The following DMD variants were observed in gnomAD, a reference collection of about 807,000 sequenced individuals.
DMD encodes dystrophin.
Under a neutral mutation model 330.1 loss-of-function variants are expected in DMD, and 63 were observed. That is an observed-to-expected ratio of 0.19 (90% CI 0.16 to 0.24). The LOEUF is 0.24. Ranked by LOEUF, DMD falls within the 10% of genes least tolerant of loss-of-function variation. The pLI is 1.00. For missense variants in DMD, 3,344 were observed against 2,684.1 expected, an observed-to-expected ratio of 1.25 and a Z score of -5.43; for synonymous variants, 1,223 against 959.8, an observed-to-expected ratio of 1.27 and a Z score of -5.07.
intron 13 of DMD, among the ~76,000 whole-genome samples, chrX:32,582,320 G>C (rs1371894769): frequency 9.0e-6 from 1 of 110,599 alleles, no homozygotes; most frequent in Non-Finnish European, 1.9e-5. Flanking sequence ...CTGGATACAA[G>C]ACCAAGAAAA....
At chrX:32,377,218 A>C in intron 34 of DMD, among the ~76,000 whole-genome samples, 1 of 111,861 alleles carries the variant, frequency 8.9e-6, no homozygotes, top group South Asian at 3.7e-4. Context: ...TCAGTACTTG[A>C]TACTTCATGC....
chrX:31,415,148 C>A (rs778467149), intron 60 of DMD, among the ~76,000 whole-genome samples: 1 of 112,420 alleles, frequency 8.9e-6, no homozygotes, highest in Admixed American at 9.5e-5. Context: ...ACAATCCCAG[C>A]TTCATTCTAT....
At chrX:32,542,715 ATACTT>A (rs1460663337) in intron 17 of DMD, among the ~76,000 whole-genome samples, 3 of 112,340 alleles carry the variant, frequency 2.7e-5, no homozygotes, top group African/African-American at 9.7e-5. Flanking sequence ...AATCATTACA[ATACTT>A]TAACAAGATT....
chrX:31,784,874 A>G (rs2091214055), intron 50 of DMD, among the ~76,000 whole-genome samples: 1 of 112,215 alleles, frequency 8.9e-6, no homozygotes, highest in African/African-American at 3.2e-5. Flanking sequence ...TTTTGACATG[A>G]TATTTTCAAC....
chrX:31,356,368 G>T (rs146546907), intron 60 of DMD, among the ~76,000 whole-genome samples: 1,768 of 108,442 alleles, frequency 0.016, 44 homozygotes, highest in African/African-American at 0.057. Flanking sequence ...TCCTTTTTCT[G>T]TCCTTTCTCC....
intron 7 of DMD, among the ~76,000 whole-genome samples, chrX:32,734,861 G>T (rs1299218349): frequency 1.5e-4 from 15 of 103,123 alleles, no homozygotes; most frequent in African/African-American, 5.3e-4. Context: ...GCACAAGACA[G>T]GGATGCCCTC....
At chrX:32,408,865 C>CATCTATCT (rs10559613) in intron 30 of DMD, among the ~76,000 whole-genome samples, 6,179 of 96,850 alleles carry the variant, frequency 0.064, 213 homozygotes, top group Middle Eastern at 0.083. Flanking sequence ...TTCTTTCTTT[C>CATCTATCT]ATCTATCTAT....
chrX:32,469,856 A>C (rs1421459241), intron 22 of DMD, among the ~76,000 whole-genome samples: 1 of 111,001 alleles, frequency 9.0e-6, no homozygotes, highest in Admixed American at 9.7e-5. Context: ...CCATCCATCC[A>C]TCCCTCAATC....
At position 32,297,264 on chromosome X, in the gene DMD, TTTATTTA is replaced by T. The variant is rs1167113967; in HGVS notation, c.6118-9570_6118-9564del. 2.9e-3 allele frequency among the ~76,000 whole-genome samples: 298 copies of T among 104,299 alleles called. 2 individuals carry two copies. The highest frequency in any genetic ancestry group is 0.01 in the African/African-American group (278 of 27,168). The allele number at this position is 104,299 out of a possible 115,157, so 90.6% of individuals were successfully genotyped here. On this transcript the variant is annotated intron_variant, in intron 42 of 78. Coordinates refer to ENST00000357033, the MANE Select transcript of DMD (RefSeq NM_004006.3). ...ATTTATTTATTTATTTATTTATTTA[TTTATTTA>T]TTATTTATTTATTTATTTTGGAGAC...
intron 7 of DMD, among the ~76,000 whole-genome samples, chrX:32,699,499 G>C (rs1051041652): frequency 8.9e-6 from 1 of 111,898 alleles, no homozygotes; most frequent in African/African-American, 3.2e-5. Flanking sequence ...GAGCAGTAAA[G>C]TTAATTTATT....
chrX:31,522,631 G>C (rs2072935488), intron 55 of DMD, among the ~76,000 whole-genome samples: 1 of 109,345 alleles, frequency 9.1e-6, no homozygotes, highest in Non-Finnish European at 1.9e-5. Context: ...ATACAACTTA[G>C]AGACTGACTG....
At chrX:32,282,836 A>G (rs2097425568) in intron 43 of DMD, among the ~76,000 whole-genome samples, 1 of 112,408 alleles carries the variant, frequency 8.9e-6, no homozygotes. Context: ...GAAGCAGGGC[A>G]AAACCACTAA....
intron 44 of DMD, among the ~76,000 whole-genome samples, chrX:32,048,033 A>G (rs1035066796): frequency 9.4e-6 from 1 of 106,290 alleles, no homozygotes; most frequent in African/African-American, 3.4e-5. Context: ...ATTTATCATT[A>G]TCTTATGAAC....
At chrX:33,198,775 A>G (rs751953744) in intron 1 of DMD, among the ~76,000 whole-genome samples, 71 of 111,021 alleles carry the variant, frequency 6.4e-4, no homozygotes, top group Non-Finnish European at 1.3e-3. Context: ...ATATGGAATC[A>G]TAACAGTGCT....
intron 17 of DMD, among the ~76,000 whole-genome samples, chrX:32,538,821 C>G (rs950005073): frequency 9.0e-6 from 1 of 111,048 alleles, no homozygotes; most frequent in African/African-American, 3.3e-5. Flanking sequence ...TGTTGTCATG[C>G]CAGTGCGAGG....
At chrX:32,731,192 C>A (rs1183944534) in intron 7 of DMD, among the ~76,000 whole-genome samples, 3 of 112,131 alleles carry the variant, frequency 2.7e-5, no homozygotes, top group Non-Finnish European at 1.9e-5. Flanking sequence ...CCGAATACTG[C>A]GTGTTTCCGA....
chrX:32,362,400 G>A (rs961175440), intron 37 of DMD, among the ~76,000 whole-genome samples: 2 of 111,607 alleles, frequency 1.8e-5, no homozygotes, highest in Non-Finnish European at 3.8e-5. Context: ...AAAATTTATC[G>A]GTAGTGCTTT....
At chrX:32,251,159 T>C (rs1259550803) in intron 43 of DMD, among the ~76,000 whole-genome samples, 1 of 110,240 alleles carries the variant, frequency 9.1e-6, no homozygotes, top group East Asian at 2.9e-4. Flanking sequence ...CTGCACGTTC[T>C]GCACCTGTAT....
intron 54 of DMD, among the ~76,000 whole-genome samples, chrX:31,648,263 C>G (rs907951799): frequency 4.5e-5 from 5 of 110,876 alleles, no homozygotes; most frequent in Non-Finnish European, 9.4e-5. Flanking sequence ...ATAAGAATCA[C>G]TTGTACTAAA....
Sources: gnomAD v4.1 joint callset for allele counts (sites outside exome capture counted in the v4.1 genomes callset) on GRCh38, gnomAD v4.1.1 for gene constraint, MANE v1.5 for transcripts, NCBI Gene and HGNC (gene_info 2026-07-23, HGNC 2026-07-21) for gene names.